Variants in GAN observed in about 807,000 individuals in gnomAD.
GAN encodes epididymis secretory sperm binding protein.
In GAN, 48 loss-of-function variants were observed where a neutral mutation model predicts 71.3. The observed-to-expected ratio is 0.67, with a 90% CI of 0.53 to 0.86. The LOEUF (loss-of-function observed/expected upper bound fraction) is 0.86. Ranked by LOEUF, GAN falls within the 40% of genes least tolerant of loss-of-function variation. GAN has a pLI of 0.00. For synonymous variants in GAN, 386 were observed against 276.8 expected (o/e 1.39, Z -3.92); for missense variants, 928 against 770.1 (o/e 1.21, Z -2.43).
chr16:81,370,824 T>G lies in GAN; in HGVS notation c.1502+5346T>G, dbSNP rs375685305. On this transcript the variant is annotated intron_variant, in intron 9 of 10. Coordinates refer to ENST00000648994, the MANE Select transcript of GAN (RefSeq NM_022041.4). ...GATTCCTACACTCATCTATATTACT[T>G]CCATCCTTTTACTTACTTTGGGTTT... is the stretch of plus-strand genomic sequence containing the variant. 6.4e-4 allele frequency among the ~76,000 whole-genome samples: 97 copies of G among 152,378 alleles called. 2 individuals carry two copies. The East Asian group carries it at 0.017, about 27-fold the overall frequency.
chr16:81,342,791 C>G (rs1256738585), intron 1 of GAN, among the ~76,000 whole-genome samples: 1 of 152,168 alleles, frequency 6.6e-6, no homozygotes, highest in African/African-American at 2.4e-5. Flanking sequence ...CAGAGCAGAA[C>G]TGAAGGAGAT....
chr16:81,371,987 C>G (rs1911049485), intron 9 of GAN: 1 of 152,272 alleles, frequency 6.6e-6, no homozygotes, highest in African/African-American at 2.4e-5. Flanking sequence ...ATACTGGAAG[C>G]AGACGCCTCA....
chr16:81,365,709 C>A (rs979135867), intron 9 of GAN, among the ~76,000 whole-genome samples: 3 of 151,272 alleles, frequency 2.0e-5, no homozygotes, highest in African/African-American at 7.3e-5. Flanking sequence ...CGCTTAGTTG[C>A]TTAAAATCAT....
intron 1 of GAN, among the ~76,000 whole-genome samples, chr16:81,318,313 G>T (rs1463002023): frequency 6.6e-6 from 1 of 151,788 alleles, no homozygotes; most frequent in East Asian, 1.9e-4. Context: ...TTTAATGTCT[G>T]TGTTTGGCCT....
intron 1 of GAN, among the ~76,000 whole-genome samples, chr16:81,316,475 G>A (rs1466826028): frequency 3.3e-5 from 5 of 149,558 alleles, no homozygotes; most frequent in Non-Finnish European, 7.4e-5. Flanking sequence ...TTTGGCGGTG[G>A]GGAGTGTGGA....
rs1459789179 is a variant in GAN at position 81,381,154 on chromosome 16, C to G, written c.*3558C>G. 1.3e-5 allele frequency: 2 copies of G among 152,128 alleles called. No homozygotes were observed. Among genetic ancestry groups the G allele is most frequent in the East Asian group, 1.9e-4 (1 of 5,196 alleles). 9.4% of individuals were successfully genotyped at this position (152,128 alleles called of 1,614,324 possible). On this transcript the variant is annotated 3_prime_UTR_variant, in exon 11 of 11. Coordinates refer to ENST00000648994, the MANE Select transcript of GAN (RefSeq NM_022041.4). Reference sequence around the variant, plus strand: ...AGAGAGGACTGGCTTTGCTATGGCACCTAAGTTACTCATGGGTAGTTAAGT... The same window carrying G: ...AGAGAGGACTGGCTTTGCTATGGCAGCTAAGTTACTCATGGGTAGTTAAGT...
At chr16:81,348,671 C>G (rs1341764003) in intron 1 of GAN, among the ~76,000 whole-genome samples, 1 of 152,178 alleles carries the variant, frequency 6.6e-6, no homozygotes, top group African/African-American at 2.4e-5. Context: ...TATGATGTGA[C>G]ATGAGAAAGT....
chr16:81,389,561 C>T lies in GAN; in HGVS notation c.*11965C>T, dbSNP rs1200778422. The T allele has an allele frequency of 6.6e-6, 1 of 152,244 alleles. No individual in the cohort carries two copies. Among genetic ancestry groups the T allele is most frequent in the Non-Finnish European group, 1.5e-5 (1 of 68,054 alleles). 9.4% of individuals were successfully genotyped at this position (152,244 alleles called of 1,614,324 possible). A position where few individuals can be genotyped will look rare whatever the true frequency, so the allele number is the denominator to read the frequency against. Reference sequence around the variant, plus strand: ...TCCTCAGGTAGGCGTAGGCAGACTTCATTGTGTGTTAGCAGTGACAGTGAT... The same window carrying T: ...TCCTCAGGTAGGCGTAGGCAGACTTTATTGTGTGTTAGCAGTGACAGTGAT... On this transcript the variant is annotated 3_prime_UTR_variant, in exon 11 of 11. Transcript: ENST00000648994.
chr16:81,343,402 C>G (rs147589340), intron 1 of GAN, among the ~76,000 whole-genome samples: 54 of 152,336 alleles, frequency 3.5e-4, no homozygotes, highest in African/African-American at 1.3e-3. Flanking sequence ...AGCAGCACAT[C>G]AGAAAGCTTA....
chr16:81,316,681 T>C (rs577004776), intron 1 of GAN, among the ~76,000 whole-genome samples: 240 of 152,350 alleles, frequency 1.6e-3, no homozygotes, highest in African/African-American at 4.5e-3. Flanking sequence ...ATTATTGTTA[T>C]AGTTCTTTAA....
Position 81,363,951 on chromosome 16 carries a change from C to G in GAN, c.1236+8C>G, listed in dbSNP as rs771940545. On this transcript the variant is annotated splice_region_variant and intron_variant, in intron 7 of 10. Coordinates refer to ENST00000648994, the MANE Select transcript of GAN (RefSeq NM_022041.4). ...TTGACCATGGTCAGAAAGGTGAGGA[C>G]TGCATTTTGTGATAACTAGTCTGTG... 6.2e-7 allele frequency: 1 copy of G among 1,608,902 alleles called. No individual in the cohort carries two copies. Among genetic ancestry groups the G allele is most frequent in the South Asian group, 1.1e-5 (1 of 90,982 alleles).
chr16:81,374,316 G>C (rs1189808159), intron 9 of GAN, among the ~76,000 whole-genome samples: 1 of 152,164 alleles, frequency 6.6e-6, no homozygotes, highest in African/African-American at 2.4e-5. Context: ...AAAGTTAACT[G>C]ATTTTCTTGT....
intron 1 of GAN, among the ~76,000 whole-genome samples, chr16:81,318,364 T>C (rs2150665417): frequency 6.6e-6 from 1 of 152,290 alleles, no homozygotes; most frequent in East Asian, 1.9e-4. Context: ...GATTGTGTGG[T>C]TTAGAAGCAG....
rs1904288223 is a variant in GAN at position 81,378,048 on chromosome 16, G to C, written c.*452G>C. Reference sequence around the variant, plus strand: ...CAAGACTGCTTTTCCACTGCACTTGGAAGGATATATTATGCCTAACCCTGC... The same window carrying C: ...CAAGACTGCTTTTCCACTGCACTTGCAAGGATATATTATGCCTAACCCTGC... On this transcript the variant is annotated 3_prime_UTR_variant, in exon 11 of 11. Coordinates refer to ENST00000648994, the MANE Select transcript of GAN (RefSeq NM_022041.4). 4.2e-6 allele frequency: 1 copy of C among 237,336 alleles called. No individual in the cohort carries two copies. The highest frequency in any genetic ancestry group is 2.2e-5 in the African/African-American group (1 of 44,546). The allele number at this position is 237,336 out of a possible 1,614,324, so 14.7% of individuals were successfully genotyped here. A position where few individuals can be genotyped will look rare whatever the true frequency, so the allele number is the denominator to read the frequency against.
chr16:81,364,923 G>A (rs750885419), intron 7 of GAN, 51 bp from the exon 8 acceptor site: 24 of 1,583,208 alleles, frequency 1.5e-5, no homozygotes, highest in Admixed American at 1.3e-4. Flanking sequence ...CTGTTCACCT[G>A]ACCTGAATGA....
At chr16:81,327,542 C>A (rs1352420490) in intron 1 of GAN, among the ~76,000 whole-genome samples, 2 of 151,502 alleles carry the variant, frequency 1.3e-5, no homozygotes, top group African/African-American at 2.4e-5. Flanking sequence ...AGTACAAAGA[C>A]AATAATAAAT....
At chr16:81,369,301 C>G (rs1910960525) in intron 9 of GAN, among the ~76,000 whole-genome samples, 1 of 152,094 alleles carries the variant, frequency 6.6e-6, no homozygotes, top group Non-Finnish European at 1.5e-5. Context: ...GCTTCCCTAC[C>G]AAAATAGAAA....
At position 81,315,176 on chromosome 16, in the gene GAN, C is replaced by A; in HGVS notation, c.63C>A (p.Ser21Arg). The change falls in exon 1 of 11, where the codon AGC (serine) becomes AGA (arginine). Residue 21 changes from serine (S) to arginine (R), a missense_variant. Ser to Arg is a moderately radical substitution (Grantham distance 110). Coordinates refer to ENST00000648994, the MANE Select transcript of GAN (RefSeq NM_022041.4). Reference protein sequence around the residue: ...QHAARLLRALSSFREESRFCD... With the variant: ...QHAARLLRALRSFREESRFCD... ...CCGCGCGTCTGCTGCGAGCGCTCAG[C>A]TCTTTCCGCGAGGAGTCTCGCTTCT... 1 of 1,569,640 alleles carries A rather than the reference C, an allele frequency of 6.4e-7. No homozygotes were observed. The highest frequency in any genetic ancestry group is 8.6e-7 in the Non-Finnish European group (1 of 1,160,326).
Position 81,340,434 on chromosome 16 carries a change from A to C in GAN, c.168-11149A>C, listed in dbSNP as rs547483966. ...CCCTCTGGGGCGAAGCTTCCAGAGG[A>C]AGGATCAGGCAGCAATTTTTGCTGT... On this transcript the variant is annotated intron_variant, in intron 1 of 10. Transcript: ENST00000648994. 2.6e-5 allele frequency among the ~76,000 whole-genome samples: 4 copies of C among 152,326 alleles called. No homozygotes were observed. In the South Asian group the frequency reaches 8.3e-4, roughly 32 times the overall value.
Sources: gnomAD v4.1 joint callset for allele counts (sites outside exome capture counted in the v4.1 genomes callset) on GRCh38, gnomAD v4.1.1 for gene constraint, MANE v1.5 for transcripts, NCBI Gene and HGNC (gene_info 2026-07-23, HGNC 2026-07-21) for gene names.